Variants in ZNF571 observed in about 807,000 individuals in gnomAD.
ZNF571 encodes zinc finger protein 571.
Under a neutral mutation model 7.7 loss-of-function variants are expected in ZNF571, and 4 were observed. The ratio of observed to expected loss-of-function variants is 0.52; its 90% CI spans 0.25 to 1.18. The LOEUF (loss-of-function observed/expected upper bound fraction) is 1.18. Ranked by LOEUF, ZNF571 falls within the 50% of genes most tolerant of loss-of-function variation. The pLI, the probability that ZNF571 is intolerant of heterozygous loss-of-function variation, is 0.14. For synonymous variants in ZNF571, 251 were observed against 232.4 expected (o/e 1.08, Z -0.73); for missense variants, 704 against 726.9 (o/e 0.97, Z 0.36).
In ZNF571 at chr19:37,565,480, A is replaced by G; in HGVS notation, c.948T>C (p.Phe316=). Residue 316 remains phenylalanine (F), a synonymous_variant, in exon 4 of 4, where the codon TTT becomes TTC. Coordinates refer to ENST00000451802, the MANE Select transcript of ZNF571 (RefSeq NM_016536.5). The part of the protein sequence containing the change: ...PYECKECGKA[F]ILGSHLTYHQ... Reference sequence around the variant, plus strand: ...GGTATGTAAGGTGTGAACCAAGAATAAAGGCCTTTCCACATTCCTTACACT... The same window carrying G: ...GGTATGTAAGGTGTGAACCAAGAATGAAGGCCTTTCCACATTCCTTACACT... 6.2e-7 allele frequency: 1 copy of G among 1,613,384 alleles called. No homozygotes were observed. The highest frequency in any genetic ancestry group is 8.5e-7 in the Non-Finnish European group (1 of 1,179,754).
intron 3 of ZNF571, among the ~76,000 whole-genome samples, chr19:37,580,036 G>GT (rs2043394983): frequency 6.6e-6 from 1 of 152,074 alleles, no homozygotes; most frequent in Non-Finnish European, 1.5e-5. Context: ...AAGCTTTATC[G>GT]TATGAGGCTA....
intron 3 of ZNF571, among the ~76,000 whole-genome samples, chr19:37,571,060 C>T (rs192536069): frequency 3.9e-5 from 6 of 152,264 alleles, no homozygotes; most frequent in Non-Finnish European, 1.5e-5. Flanking sequence ...ACTAAACAGA[C>T]TTAGAATCAC....
chr19:37,575,602 T>C (rs1198332721), intron 3 of ZNF571: 1 of 152,214 alleles, frequency 6.6e-6, no homozygotes, highest in Non-Finnish European at 1.5e-5. Context: ...TGGATGAAAC[T>C]ATGCCTGCCA....
intron 3 of ZNF571, among the ~76,000 whole-genome samples, chr19:37,578,582 CAG>C (rs2043329311): frequency 6.6e-6 from 1 of 152,226 alleles, no homozygotes; most frequent in Non-Finnish European, 1.5e-5. Context: ...GCCGCAGTCA[CAG>C]TGCTGAGGGG....
intron 3 of ZNF571, among the ~76,000 whole-genome samples, chr19:37,580,544 T>G (rs945098042): frequency 6.6e-6 from 1 of 152,214 alleles, no homozygotes; most frequent in African/African-American, 2.4e-5. Context: ...CCACCAAATC[T>G]CATGTTGAAA....
chr19:37,589,069 G>A (rs890100556), intron 1 of ZNF571, among the ~76,000 whole-genome samples: 2 of 151,742 alleles, frequency 1.3e-5, no homozygotes, highest in Non-Finnish European at 2.9e-5. Context: ...GTGTGGTGGC[G>A]GGTGCTTGTG....
chr19:37,566,320 G>C, intron 3 of ZNF571, 29 bp from the exon 4 acceptor site: 1 of 1,561,064 alleles, frequency 6.4e-7, no homozygotes, highest in Non-Finnish European at 8.6e-7. Flanking sequence ...GCAAATTCCT[G>C]CTTTTGTTTA....
intron 1 of ZNF571, among the ~76,000 whole-genome samples, chr19:37,590,615 C>T (rs2043841742): frequency 6.6e-6 from 1 of 152,040 alleles, no homozygotes; most frequent in African/African-American, 2.4e-5. Flanking sequence ...CTGAAAATTA[C>T]TATCAGGTAG....
intron 3 of ZNF571, among the ~76,000 whole-genome samples, chr19:37,572,354 AG>A (rs2043091355): frequency 6.6e-6 from 1 of 152,202 alleles, no homozygotes; most frequent in Non-Finnish European, 1.5e-5. Flanking sequence ...ACAATTCATA[AG>A]TTTTAAACTG....
At chr19:37,581,834 C>G (rs575247691) in intron 3 of ZNF571, among the ~76,000 whole-genome samples, 3 of 151,554 alleles carry the variant, frequency 2.0e-5, no homozygotes, top group African/African-American at 7.2e-5. Flanking sequence ...CTGTGGTTCA[C>G]CCTGCAGTGG....
chr19:37,568,249 GCCTC>G (rs2042930446), intron 3 of ZNF571, among the ~76,000 whole-genome samples: 1 of 151,802 alleles, frequency 6.6e-6, no homozygotes, highest in Non-Finnish European at 1.5e-5. Flanking sequence ...TTAGAAATAA[GCCTC>G]CAAAACTTGA....
intron 3 of ZNF571, among the ~76,000 whole-genome samples, chr19:37,578,793 C>CGCAGCAACCGCACCTCT (rs547383829): frequency 3.3e-5 from 5 of 152,202 alleles, no homozygotes; most frequent in Non-Finnish European, 7.3e-5. Flanking sequence ...GCTCTTCCAG[C>CGCAGCAACCGCACCTCT]GCAGCAACCG....
chr19:37,564,615 T>C lies in ZNF571; in HGVS notation c.1813A>G (p.Thr605Ala). The change falls in exon 4 of 4, where the codon ACA (threonine) becomes GCA (alanine). Residue 605 changes from threonine to alanine, a missense_variant. Transcript: ENST00000451802. ...AGGCTTTCTCAATTATGAAGCCTTGTATGTTGAGTAAGTTGTGAAGGACAT... is the reference window on the plus strand; with the variant it reads ...AGGCTTTCTCAATTATGAAGCCTTGCATGTTGAGTAAGTTGTGAAGGACAT... ...FRCPSQLTQH[T>A]RLHN 6.5e-7 allele frequency: 1 copy of C among 1,541,296 alleles called. No individual in the cohort carries two copies. Among genetic ancestry groups the C allele is most frequent in the South Asian group, 1.3e-5 (1 of 78,106 alleles).
intron 1 of ZNF571, among the ~76,000 whole-genome samples, chr19:37,590,553 C>T (rs951832133): frequency 2.0e-5 from 3 of 151,868 alleles, no homozygotes; most frequent in Non-Finnish European, 4.4e-5. Context: ...AGTTATAGTC[C>T]CCTGTGCTCA....
Position 37,566,027 on chromosome 19 carries a change from G to A in ZNF571, c.401C>T (p.Thr134Ile). The A allele has an allele frequency of 6.2e-7, 1 of 1,613,992 alleles. No individual in the cohort carries two copies. The highest frequency in any genetic ancestry group is 8.5e-7 in the Non-Finnish European group (1 of 1,179,924). The change falls in exon 4 of 4, where the codon ACC (threonine) becomes ATC (isoleucine). Residue 134 changes from threonine (T) to isoleucine (I), a missense_variant. By Grantham distance (89) the Thr-to-Ile change is moderately conservative (BLOSUM62 -1). Coordinates refer to ENST00000451802, the MANE Select transcript of ZNF571 (RefSeq NM_016536.5). ...TSSTFHRIIP[T>I]KEKLYKCKEC... ...CTTACATTTGTACAATTTTTCCTTG[G>A]TAGGAATTATCCGATGAAAAGTAGA... is the stretch of plus-strand genomic sequence containing the variant.
Position 37,574,750 on chromosome 19 carries a change from C to T in ZNF571, c.137-8459G>A, listed in dbSNP as rs919018481. 7.9e-5 allele frequency among the ~76,000 whole-genome samples: 12 copies of T among 152,134 alleles called. 1 individual carries two copies. Among genetic ancestry groups the T allele is most frequent in the Non-Finnish European group, 4.4e-5 (3 of 68,030 alleles). ...AACTTCCAAATGATAGTTTCAATAA[C>T]CATCTCCTAATGAAAGTATTTTCTT... On this transcript the variant is annotated intron_variant, in intron 3 of 3. Transcript: ENST00000451802.
chr19:37,567,368 C>T (rs940495367), intron 3 of ZNF571, among the ~76,000 whole-genome samples: 1 of 152,190 alleles, frequency 6.6e-6, no homozygotes, highest in Non-Finnish European at 1.5e-5. Context: ...AGATGCTTCT[C>T]ATAAAACACA....
chr19:37,566,271 T>A lies in ZNF571; in HGVS notation c.157A>T (p.Thr53Ser), dbSNP rs2042856133. The change falls in exon 4 of 4, where the codon ACC (threonine) becomes TCC (serine). Residue 53 changes from threonine to serine, a missense_variant. Thr to Ser is a moderately conservative substitution (Grantham distance 58). Coordinates refer to ENST00000451802, the MANE Select transcript of ZNF571 (RefSeq NM_016536.5). ...TCCTTTTCTGGAGATAACTTTTTGG[T>A]CACACAACTGGATTCCAAGTCTGTA... The part of the protein sequence containing the change: ...ISLDLESSCV[T>S]KKLSPEKEIY... 6.2e-7 allele frequency: 1 copy of A among 1,612,282 alleles called. No homozygotes were observed.
chr19:37,565,129 T>A lies in ZNF571; in HGVS notation c.1299A>T (p.Gln433His). Residue 433 changes from glutamine (Q) to histidine (H), a missense_variant, in exon 4 of 4, where the codon CAA becomes CAT. By Grantham distance (24) the Gln-to-His change is conservative. Transcript: ENST00000451802. ...ECGKAFICGK[Q>H]LSEHQRIHTG... ...TATGAATTCTCTGATGTTCACTAAG[T>A]TGTTTGCCACAAATAAAGGCCTTTC... 3 of 1,613,072 alleles carry A rather than the reference T, an allele frequency of 1.9e-6. No individual in the cohort carries two copies. The highest frequency in any genetic ancestry group is 2.5e-6 in the Non-Finnish European group (3 of 1,179,398).
Sources: gnomAD v4.1 joint callset for allele counts (sites outside exome capture counted in the v4.1 genomes callset) on GRCh38, gnomAD v4.1.1 for gene constraint, MANE v1.5 for transcripts, NCBI Gene and HGNC (gene_info 2026-07-23, HGNC 2026-07-21) for gene names.